Variants in HNF1A observed in about 807,000 individuals in gnomAD.
HNF1A encodes hepatocyte nuclear factor 1-alpha.
A neutral mutation model predicts 62.2 loss-of-function variants in HNF1A; 21 were observed. That is an observed-to-expected ratio of 0.34 (90% CI 0.24 to 0.49). The LOEUF (loss-of-function observed/expected upper bound fraction) is 0.49, where lower values mean the gene tolerates loss of function less well. HNF1A is among the 20% of genes least tolerant of loss of function. HNF1A has a pLI of 0.99. For missense variants in HNF1A, 687 were observed against 832.3 expected (o/e 0.83, Z 2.15); for synonymous variants, 374 against 366.8 (o/e 1.02, Z -0.22).
rs137853246 is a variant in HNF1A, at chr12:120,999,358, G to C, written c.1592G>C (p.Ser531Thr). Reference sequence around the variant, plus strand: ...CTCATCACCGACACCACCAACCTGAGCGCCCTGGCCAGCCTCACGCCCACC... The same window carrying C: ...CTCATCACCGACACCACCAACCTGACCGCCCTGGCCAGCCTCACGCCCACC... ...TMLITDTTNL[S>T]ALASLTPTKQ... is the part of the protein sequence containing the mutation. The change falls in exon 8 of 10, where the codon AGC becomes ACC. Residue 531 changes from serine to threonine, a missense_variant. Around this residue, in one of 5 missense-constraint regions of HNF1A, gnomAD observed 408 missense variants for 455.3 expected, o/e 0.90. Transcript: ENST00000257555. 11 of 1,614,044 alleles carry C rather than the reference G, an allele frequency of 6.8e-6. No individual in the cohort carries two copies. Among genetic ancestry groups the C allele is most frequent in the Non-Finnish European group, 8.5e-6 (10 of 1,180,022 alleles).
Position 120,996,380 on chromosome 12 carries a change from C to A in HNF1A, c.1074C>A (p.Pro358=), listed in dbSNP as rs746592061. ...LHQVSPTGLE[P]SHSLLSTEAK... ...AAGTGTCCCCCACGGGCCTGGAGCC[C>A]AGCCACAGCCTGCTGAGTACAGAAG... The change falls in exon 5 of 10, where the codon CCC becomes CCA. Residue 358 remains proline, a synonymous_variant. Coordinates refer to ENST00000257555, the MANE Select transcript of HNF1A (RefSeq NM_000545.8). The surrounding 1 kb of genome is among the most constrained non-coding windows in gnomAD (Gnocchi z 4.5). The A allele has an allele frequency of 1.2e-6, 2 of 1,614,192 alleles. No individual in the cohort carries two copies. The highest frequency in any genetic ancestry group is 1.7e-6 in the Non-Finnish European group (2 of 1,180,024).
Position 120,999,487 on chromosome 12 carries a change from T to C in HNF1A, c.1628T>C (p.Phe543Ser). The change falls in exon 9 of 10, where the codon TTC becomes TCC. Residue 543 changes from phenylalanine to serine, a missense_variant. Transcript: ENST00000257555. Reference protein sequence around the residue: ...LASLTPTKQVFTSDTEASSES... With the variant: ...LASLTPTKQVSTSDTEASSES... The stretch of plus-strand genomic sequence containing the variant: ...GAGGCTGCTCTGCTCCCCCAGGTCT[T>C]CACCTCAGACACTGAGGCCTCCAGT... 1.2e-6 allele frequency: 2 copies of C among 1,613,816 alleles called. No individual in the cohort carries two copies. The highest frequency in any genetic ancestry group is 1.7e-6 in the Non-Finnish European group (2 of 1,179,968).
rs1877549651 is a variant in HNF1A, at chr12:121,002,277, G to T, written c.*1085G>T. 2 of 441,996 alleles carry T rather than the reference G, an allele frequency of 4.5e-6. No individual in the cohort carries two copies. The highest frequency in any genetic ancestry group is 2.0e-5 in the South Asian group (1 of 49,494). The allele number at this position is 441,996 out of a possible 1,614,324, so 27.4% of individuals were successfully genotyped here. ...GAGGGCAGTTCGCAGCCACCCTGAG[G>T]AGTCTGAGGTCCTGAGCACTGCCAG... On this transcript the variant is annotated 3_prime_UTR_variant, in exon 10 of 10. Coordinates refer to ENST00000257555, the MANE Select transcript of HNF1A (RefSeq NM_000545.8).
In HNF1A at chr12:120,988,981, C is replaced by T. The variant is rs765432081; in HGVS notation, c.475C>T (p.Arg159Trp). 1.2e-6 allele frequency: 2 copies of T among 1,614,246 alleles called. No homozygotes were observed. Among genetic ancestry groups the T allele is most frequent in the Admixed American group, 1.7e-5 (1 of 60,038 alleles). The change falls in exon 2 of 10, where the codon CGG becomes TGG. Residue 159 changes from arginine (R) to tryptophan (W), a missense_variant. Transcript: ENST00000257555. ...NKGTPMKTQK[R>W]AALYTWYVRK... Reference sequence around the variant, plus strand: ...GGGCACTCCCATGAAGACGCAGAAGCGGGCCGCCCTGTACACCTGGTACGT... The same window carrying T: ...GGGCACTCCCATGAAGACGCAGAAGTGGGCCGCCCTGTACACCTGGTACGT...
intron 1 of HNF1A, chr12:120,980,656 G>T (rs56398318): frequency 0.033 from 5,051 of 152,408 alleles, 277 homozygotes; most frequent in African/African-American, 0.11. Context: ...GGCTGAGTGA[G>T]CTCTCTCGGT....
intron 2 of HNF1A, among the ~76,000 whole-genome samples, chr12:120,992,532 A>G (rs1352890615): frequency 6.6e-6 from 1 of 152,228 alleles, no homozygotes; most frequent in Non-Finnish European, 1.5e-5. Flanking sequence ...GCTATAACAG[A>G]AACTTTTAAA....
intron 2 of HNF1A, among the ~76,000 whole-genome samples, chr12:120,992,225 CT>C (rs1208223632): frequency 6.6e-6 from 1 of 151,766 alleles, no homozygotes; most frequent in Non-Finnish European, 1.5e-5. Flanking sequence ...TGACTCTTTT[CT>C]TTTTTGTTGG....
At chr12:121,000,134 C>T (rs1196005405) in intron 9 of HNF1A, among the ~76,000 whole-genome samples, 1 of 152,164 alleles carries the variant, frequency 6.6e-6, no homozygotes, top group East Asian at 1.9e-4. Context: ...TGACCCCTGG[C>T]GGTGGGGCGG....
chr12:120,995,855 A>G (rs1465452432), intron 4 of HNF1A, among the ~76,000 whole-genome samples: 1 of 151,780 alleles, frequency 6.6e-6, no homozygotes, highest in African/African-American at 2.4e-5. Flanking sequence ...ACTCCACACC[A>G]TCCACTCCAC....
intron 2 of HNF1A, among the ~76,000 whole-genome samples, chr12:120,990,632 A>AGG (rs1272173129): frequency 3.7e-5 from 4 of 109,564 alleles, no homozygotes; most frequent in Admixed American, 1.3e-4. Flanking sequence ...AAGGGAGGAA[A>AGG]GATAGGAAAG....
At chr12:120,986,713 G>A (rs916425747) in intron 1 of HNF1A, among the ~76,000 whole-genome samples, 17 of 152,252 alleles carry the variant, frequency 1.1e-4, no homozygotes, top group Admixed American at 7.2e-4. Flanking sequence ...CCGAGTAGCC[G>A]GGATTACAGG....
intron 1 of HNF1A, among the ~76,000 whole-genome samples, chr12:120,987,607 T>TAC (rs1555211246): frequency 6.7e-5 from 10 of 150,192 alleles, no homozygotes; most frequent in Admixed American, 6.0e-4. Context: ...TATATATATA[T>TAC]ACACATATAT....
At chr12:120,987,647 G>T (rs1272768073) in intron 1 of HNF1A, among the ~76,000 whole-genome samples, 3 of 151,274 alleles carry the variant, frequency 2.0e-5, no homozygotes, top group South Asian at 4.2e-4. Flanking sequence ...AGCCACTGAG[G>T]CCCACAGAAT....
At chr12:120,990,644 G>GAGGAAAGGT (rs146054819) in intron 2 of HNF1A, among the ~76,000 whole-genome samples, 6 of 100,066 alleles carry the variant, frequency 6.0e-5, no homozygotes, top group African/African-American at 2.5e-4. Context: ...ATAGGAAAGG[G>GAGGAAAGGT]AGGAAAGGTA....
At chr12:120,994,449 G>T in intron 4 of HNF1A, 44 bp downstream of exon 4, 6 of 1,561,492 alleles carry the variant, frequency 3.8e-6, no homozygotes, top group East Asian at 2.3e-5. Context: ...AAGGTGGGAG[G>T]GTTGGGGAGG....
chr12:120,984,767 A>G (rs547888529), intron 1 of HNF1A, among the ~76,000 whole-genome samples: 28 of 152,048 alleles, frequency 1.8e-4, no homozygotes, highest in Non-Finnish European at 4.0e-4. Context: ...GCAACATGAA[A>G]TATTTTTGAG....
At chr12:120,984,616 T>C (rs1299813456) in intron 1 of HNF1A, among the ~76,000 whole-genome samples, 1 of 151,838 alleles carries the variant, frequency 6.6e-6, no homozygotes, top group East Asian at 1.9e-4. Context: ...AGCACCAGGC[T>C]GGACTTTGTA....
chr12:120,983,429 G>A lies in HNF1A; in HGVS notation c.326+4335G>A, dbSNP rs540998474. On this transcript the variant is annotated intron_variant, in intron 1 of 9. Transcript: ENST00000257555. The stretch of plus-strand genomic sequence containing the variant: ...GCAGATGTGGGTCATGCAAGAGCAC[G>A]CGTGGCTAGGTCACAGTGGTGGGAT... Among the ~76,000 whole-genome samples, 7 of 152,266 alleles carry A rather than the reference G, an allele frequency of 4.6e-5. No homozygotes were observed. The South Asian group carries it at 6.2e-4, about 14-fold the overall frequency.
chr12:121,002,135 AG>A lies in HNF1A; in HGVS notation c.*946del, dbSNP rs1265278325. 6 of 521,364 alleles carry A rather than the reference AG, an allele frequency of 1.2e-5. No homozygotes were observed. The highest frequency in any genetic ancestry group is 1.5e-5 in the Non-Finnish European group (4 of 269,498). The allele number at this position is 521,364 out of a possible 1,614,324, so 32.3% of individuals were successfully genotyped here. A position where few individuals can be genotyped will look rare whatever the true frequency, so the allele number is the denominator to read the frequency against. On this transcript the variant is annotated 3_prime_UTR_variant, in exon 10 of 10. Transcript: ENST00000257555. Reference sequence around the variant, plus strand: ...GGCAGCAAGGCCCGAGCAGCTGAGCAGGGCCGGGGAACTGGCCAAGCTGAGG... The same window carrying A: ...GGCAGCAAGGCCCGAGCAGCTGAGCAGGCCGGGGAACTGGCCAAGCTGAGG...
Sources: allele counts gnomAD v4.1 joint callset (sites outside exome capture counted in the v4.1 genomes callset), GRCh38; gene constraint gnomAD v4.1.1; regional missense constraint gnomAD v4.1.1; non-coding constraint Gnocchi (gnomAD v3.1); transcripts MANE v1.5; gene names NCBI Gene and HGNC (gene_info 2026-07-23, HGNC 2026-07-21).